Variants in FAM149B1 observed in about 807,000 individuals in gnomAD.
The protein encoded by FAM149B1 is primary cilium assembly protein FAM149B1.
In FAM149B1, 56 loss-of-function variants were observed where a neutral mutation model predicts 75.3. The observed-to-expected ratio is 0.74, with a 90% CI of 0.60 to 0.93. FAM149B1 has a LOEUF of 0.93. Among genes scored for constraint, FAM149B1 ranks in the 40% least tolerant of loss-of-function variants. FAM149B1 has a pLI of 0.00. For missense variants in FAM149B1, 639 were observed against 708.4 expected (o/e 0.90, Z 1.11); for synonymous variants, 259 against 256.1 (o/e 1.01, Z -0.11).
chr10:73,224,471 C>CTTTTT (rs1178386006), intron 7 of FAM149B1, among the ~76,000 whole-genome samples: 1 of 135,408 alleles, frequency 7.4e-6, no homozygotes, highest in Non-Finnish European at 1.6e-5. Context: ...ATTATTACAA[C>CTTTTT]TTTTTTTTTT....
chr10:73,224,255 A>T (rs2043483081), intron 7 of FAM149B1, among the ~76,000 whole-genome samples: 1 of 152,136 alleles, frequency 6.6e-6, no homozygotes, highest in Non-Finnish European at 1.5e-5. Flanking sequence ...TGTAGCATGA[A>T]AGCAGCCATA....
At chr10:73,184,663 T>C (rs1201812446) in intron 3 of FAM149B1, among the ~76,000 whole-genome samples, 1 of 152,214 alleles carries the variant, frequency 6.6e-6, no homozygotes, top group Admixed American at 6.6e-5. Context: ...AACATCACTC[T>C]TCTAAATAAC....
intron 7 of FAM149B1, among the ~76,000 whole-genome samples, chr10:73,210,791 C>G (rs1425669408): frequency 6.6e-6 from 1 of 151,912 alleles, no homozygotes; most frequent in Non-Finnish European, 1.5e-5. Context: ...CCACTGCACT[C>G]TAGCCTGGGC....
chr10:73,204,996 T>TTTC (rs1564697638), intron 5 of FAM149B1, among the ~76,000 whole-genome samples: 1 of 117,760 alleles, frequency 8.5e-6, no homozygotes, highest in Non-Finnish European at 1.7e-5. Context: ...TTTTTTTTTT[T>TTTC]AGTAGAGACA....
rs201063904 is a variant in FAM149B1 at position 73,169,625 on chromosome 10, TA to T, written c.47+1248del. 1.8e-3 allele frequency among the ~76,000 whole-genome samples: 270 copies of T among 151,706 alleles called. 3 individuals carry two copies. The highest frequency in any genetic ancestry group is 6.2e-3 in the African/African-American group (256 of 41,372). On this transcript the variant is annotated intron_variant, in intron 1 of 13. Transcript: ENST00000242505. ...GTGCACACCACCACAACTGGCTAAT[TA>T]AAAAAAAATTTTTTTTTGGTAGAGA...
chr10:73,206,210 A>T (rs937130022), intron 5 of FAM149B1, among the ~76,000 whole-genome samples: 4 of 152,236 alleles, frequency 2.6e-5, no homozygotes, highest in Non-Finnish European at 5.9e-5. Flanking sequence ...GATCTATGGA[A>T]TTTTGATCTT....
intron 6 of FAM149B1, among the ~76,000 whole-genome samples, chr10:73,209,906 T>C (rs201239997): frequency 6.6e-6 from 1 of 151,264 alleles, no homozygotes; most frequent in African/African-American, 2.4e-5. Flanking sequence ...TGCATTTTTT[T>C]CCCATTGTAT....
chr10:73,179,893 C>G (rs1294201037), intron 3 of FAM149B1, among the ~76,000 whole-genome samples: 1 of 151,798 alleles, frequency 6.6e-6, no homozygotes, highest in African/African-American at 2.4e-5. Flanking sequence ...ATAATATTTT[C>G]CTGTCTTAAT....
At chr10:73,200,513 G>A in intron 5 of FAM149B1, 1 of 660,942 alleles carries the variant, frequency 1.5e-6, no homozygotes, top group Non-Finnish European at 2.7e-6. Flanking sequence ...ATGTTAAACA[G>A]AAGATACCTT....
chr10:73,223,299 A>C, intron 7 of FAM149B1, among the ~76,000 whole-genome samples: 1 of 152,220 alleles, frequency 6.6e-6, no homozygotes, highest in East Asian at 1.9e-4. Flanking sequence ...TTTTGTAAGA[A>C]TGGATTCATA....
intron 3 of FAM149B1, among the ~76,000 whole-genome samples, chr10:73,184,550 A>C (rs926236324): frequency 9.9e-5 from 15 of 152,210 alleles, no homozygotes; most frequent in African/African-American, 3.6e-4. Context: ...TTTTTTAACT[A>C]TAAAAAGATT....
At chr10:73,202,900 G>A (rs1161849254) in intron 5 of FAM149B1, among the ~76,000 whole-genome samples, 3 of 152,044 alleles carry the variant, frequency 2.0e-5, no homozygotes, top group Non-Finnish European at 4.4e-5. Flanking sequence ...TTTTGCCCAG[G>A]CTGAGCTTCT....
intron 7 of FAM149B1, among the ~76,000 whole-genome samples, chr10:73,212,859 CTGTG>C (rs765706550): frequency 6.7e-6 from 1 of 148,200 alleles, no homozygotes; most frequent in African/African-American, 2.5e-5. Flanking sequence ...CTCTCTCTCT[CTGTG>C]TTTCTCTCTC....
In FAM149B1 at chr10:73,192,941, G is replaced by A. The variant is rs145028865; in HGVS notation, c.425+243G>A. ...AAACTATTTCTACAACAGCAGCTGAGGTCTGAGTATCTGAGTATCAAAAAG... is the reference window on the plus strand; with the variant it reads ...AAACTATTTCTACAACAGCAGCTGAAGTCTGAGTATCTGAGTATCAAAAAG... On this transcript the variant is annotated intron_variant, in intron 4 of 13. Coordinates refer to ENST00000242505, the MANE Select transcript of FAM149B1 (RefSeq NM_173348.2). Among the ~76,000 whole-genome samples, 385 of 152,260 alleles carry A rather than the reference G, an allele frequency of 2.5e-3. 1 individual carries two copies. The highest frequency in any genetic ancestry group is 8.8e-3 in the African/African-American group (366 of 41,544).
intron 3 of FAM149B1, among the ~76,000 whole-genome samples, chr10:73,179,920 T>A (rs2042356817): frequency 6.6e-6 from 1 of 152,216 alleles, no homozygotes; most frequent in Non-Finnish European, 1.5e-5. Flanking sequence ...TAATTGGATC[T>A]TTCCCTTATT....
At chr10:73,178,897 T>A (rs1386961291) in intron 3 of FAM149B1, among the ~76,000 whole-genome samples, 4 of 152,028 alleles carry the variant, frequency 2.6e-5, no homozygotes, top group East Asian at 1.9e-4. Context: ...ACTCTAAAAA[T>A]TTTTTAAAGA....
intron 7 of FAM149B1, among the ~76,000 whole-genome samples, chr10:73,217,670 A>G (rs2043326960): frequency 6.6e-6 from 1 of 152,232 alleles, no homozygotes; most frequent in Admixed American, 6.5e-5. Flanking sequence ...TAACAAGACA[A>G]AAGCCTATAT....
intron 10 of FAM149B1, chr10:73,234,473 G>C (rs7083374): frequency 0.028 from 7,204 of 260,746 alleles, 451 homozygotes; most frequent in African/African-American, 0.14. Flanking sequence ...AGAAGGTCCA[G>C]AACTGTCAAG....
Position 73,234,834 on chromosome 10 carries a change from C to G in FAM149B1, c.1370C>G (p.Ser457Trp), listed in dbSNP as rs991366825. Residue 457 changes from serine to tryptophan, a missense_variant, in exon 11 of 14, where the codon TCG (serine) becomes TGG (tryptophan). Ser to Trp is a radical substitution (Grantham distance 177, BLOSUM62 -3). Transcript: ENST00000242505. The part of the protein sequence containing the change: ...RGARVPVAPD[S>W]LSSPSPTPLS... ...ATCTGCAGCCCAGTGGCACCCGACT[C>G]GCTCTCCTCTCCCTCACCGACGCCC... 3.2e-6 allele frequency: 5 copies of G among 1,551,460 alleles called. No homozygotes were observed. Among genetic ancestry groups the G allele is most frequent in the African/African-American group, 2.7e-5 (2 of 73,014 alleles).
Sources: gnomAD v4.1 joint callset for allele counts (sites outside exome capture counted in the v4.1 genomes callset) on GRCh38, gnomAD v4.1.1 for gene constraint, MANE v1.5 for transcripts, NCBI Gene and HGNC (gene_info 2026-07-23, HGNC 2026-07-21) for gene names.